BIRC6: variants seen among roughly 807,000 people sequenced by gnomAD.
BIRC6 encodes dual E2 ubiquitin-conjugating enzyme/E3 ubiquitin-protein ligase BIRC6.
In BIRC6, 98 loss-of-function variants were observed where a neutral mutation model predicts 503.3. The observed-to-expected ratio is 0.19, with a 90% CI of 0.17 to 0.23. The LOEUF (loss-of-function observed/expected upper bound fraction) is 0.23, where lower values mean the gene tolerates loss of function less well. Among genes scored for constraint, BIRC6 ranks in the 10% least tolerant of loss-of-function variants. BIRC6 has a pLI of 1.00. For synonymous variants in BIRC6, 2,240 were observed against 2,078.7 expected, an observed-to-expected ratio of 1.08 and a Z score of -2.11; for missense variants, 5,360 against 5,806.0, an observed-to-expected ratio of 0.92 and a Z score of 2.50.
At chr2:32,473,750 T>TGTGTGTG (rs1558829206) in intron 33 of BIRC6, among the ~76,000 whole-genome samples, 8 of 120,362 alleles carry the variant, frequency 6.6e-5, no homozygotes, top group South Asian at 2.6e-4. Flanking sequence ...TGTGTGTGTG[T>TGTGTGTG]ATTTTTTTTT....
Position 32,468,554 on chromosome 2 carries a change from A to G in BIRC6, c.5898A>G (p.Glu1966=), listed in dbSNP as rs2048799231. The G allele has an allele frequency of 1.2e-6, 2 of 1,613,902 alleles. No individual in the cohort carries two copies. Among genetic ancestry groups the G allele is most frequent in the African/African-American group, 2.7e-5 (2 of 74,930 alleles). ...FLRKPDKAVE[E]DSRVFSAYQD... ...GAAAACCAGATAAGGCAGTTGAGGA[A>G]GACAGTAGGGTTTTTTCTGCTTATC... is the stretch of plus-strand genomic sequence containing the variant. Residue 1966 remains glutamate (E), a synonymous_variant, in exon 29 of 74, where the codon GAA becomes GAG. Transcript: ENST00000421745.
chr2:32,568,022 G>A (rs1464249748), intron 65 of BIRC6, among the ~76,000 whole-genome samples: 1 of 152,182 alleles, frequency 6.6e-6, no homozygotes, highest in Admixed American at 6.5e-5. Context: ...TGAGGCAGGA[G>A]AATGGCATGA....
intron 59 of BIRC6, chr2:32,528,140 A>G (rs1371889544): frequency 6.6e-6 from 1 of 152,238 alleles, no homozygotes; most frequent in African/African-American, 2.4e-5. Context: ...TCTTAACTAA[A>G]AAACACAGTT....
chr2:32,482,765 T>C (rs1480803505), intron 39 of BIRC6, among the ~76,000 whole-genome samples, 183 bp downstream of exon 39: 1 of 152,182 alleles, frequency 6.6e-6, no homozygotes, highest in East Asian at 1.9e-4. Context: ...TTCTATCTTT[T>C]TGGTTCTCTG....
At chr2:32,592,047 A>G (rs1432498129) in intron 66 of BIRC6, among the ~76,000 whole-genome samples, 1 of 152,246 alleles carries the variant, frequency 6.6e-6, no homozygotes, top group South Asian at 2.1e-4. Context: ...TCATAGCTGT[A>G]AAAGACACAG....
intron 73 of BIRC6, among the ~76,000 whole-genome samples, chr2:32,614,022 CATAG>C (rs928709747): frequency 6.6e-6 from 1 of 152,188 alleles, no homozygotes; most frequent in African/African-American, 2.4e-5. Flanking sequence ...ACATTTTTTA[CATAG>C]ATACCCTGTC....
intron 72 of BIRC6, among the ~76,000 whole-genome samples, chr2:32,608,715 C>G (rs1458397804): frequency 6.6e-6 from 1 of 152,080 alleles, no homozygotes; most frequent in Non-Finnish European, 1.5e-5. Context: ...CCGCCCCGGC[C>G]TATTCTTTAT....
chr2:32,567,212 C>T (rs1410742392), intron 65 of BIRC6, among the ~76,000 whole-genome samples: 1 of 152,214 alleles, frequency 6.6e-6, no homozygotes, highest in Non-Finnish European at 1.5e-5. Context: ...TCAGGTGATC[C>T]ACCTGCCTCG....
At chr2:32,447,671 C>G (rs1485599109) in intron 21 of BIRC6, among the ~76,000 whole-genome samples, 14 of 120,804 alleles carry the variant, frequency 1.2e-4, no homozygotes, top group Admixed American at 9.8e-4. Flanking sequence ...CCCCTCCCCC[C>G]TCCCGGACTG....
At position 32,482,410 on chromosome 2, in the gene BIRC6, T is replaced by C. The variant is rs771966676; in HGVS notation, c.7543-19T>C. ...CAAGAGGCAAAAATAAACCACAGTT[T>C]TTTTTCCATTCTTTTAAGCCAATAA... On this transcript the variant is annotated intron_variant, in intron 38 of 73. Coordinates refer to ENST00000421745, the MANE Select transcript of BIRC6 (RefSeq NM_016252.4). 1 of 1,604,982 alleles carries C rather than the reference T, an allele frequency of 6.2e-7. No homozygotes were observed. Among genetic ancestry groups the C allele is most frequent in the Non-Finnish European group, 8.5e-7 (1 of 1,174,698 alleles).
At position 32,463,302 on chromosome 2, in the gene BIRC6, C is replaced by T; in HGVS notation, c.4862C>T (p.Ser1621Phe). 4 of 1,613,922 alleles carry T rather than the reference C, an allele frequency of 2.5e-6. No individual in the cohort carries two copies. The highest frequency in any genetic ancestry group is 3.4e-6 in the Non-Finnish European group (4 of 1,179,852). ...SAAQVALQSLSHAMASAEQQL... is the reference protein window; with the variant it reads ...SAAQVALQSLFHAMASAEQQL... Reference sequence around the variant, plus strand: ...GCCCAGGTAGCTTTGCAGTCTCTCTCTCATGCAATGGCTTCAGCCGAGCAA... The same window carrying T: ...GCCCAGGTAGCTTTGCAGTCTCTCTTTCATGCAATGGCTTCAGCCGAGCAA... The change falls in exon 24 of 74, where the codon TCT becomes TTT. Residue 1621 changes from serine to phenylalanine, a missense_variant. Around this residue, in one of 16 missense-constraint regions of BIRC6, gnomAD observed 2,299 missense variants for 2,267.2 expected, o/e 1.01. Transcript: ENST00000421745.
At chr2:32,362,385 G>A (rs957280534) in intron 1 of BIRC6, among the ~76,000 whole-genome samples, 4 of 146,684 alleles carry the variant, frequency 2.7e-5, no homozygotes, top group African/African-American at 1.0e-4. Flanking sequence ...GTGTGATCTC[G>A]GCTCACTGCA....
intron 1 of BIRC6, among the ~76,000 whole-genome samples, chr2:32,365,632 T>C (rs2034807801): frequency 6.6e-6 from 1 of 152,068 alleles, no homozygotes; most frequent in Non-Finnish European, 1.5e-5. Context: ...CTTTTTGTTT[T>C]GTTGTCTTAA....
At chr2:32,435,432 T>A (rs2044590556) in intron 13 of BIRC6, 64 bp from the exon 14 acceptor site, 1 of 1,435,254 alleles carries the variant, frequency 7.0e-7, no homozygotes, top group Non-Finnish European at 9.2e-7. Context: ...AAATTAAGTT[T>A]ACTAATATTT....
intron 10 of BIRC6, among the ~76,000 whole-genome samples, chr2:32,426,341 G>A (rs2043490250): frequency 6.6e-6 from 1 of 152,060 alleles, no homozygotes; most frequent in Non-Finnish European, 1.5e-5. Context: ...GGTGGCTTAC[G>A]CCTGTAATCC....
At chr2:32,466,859 C>T (rs1015038658) in intron 26 of BIRC6, among the ~76,000 whole-genome samples, 1 of 151,872 alleles carries the variant, frequency 6.6e-6, no homozygotes, top group Non-Finnish European at 1.5e-5. Flanking sequence ...GTGGCTCATG[C>T]CTGTAATCCC....
chr2:32,461,184 CT>C lies in BIRC6; in HGVS notation c.4754-2009del, dbSNP rs1275632473. Among the ~76,000 whole-genome samples, 2 of 50,422 alleles carry C rather than the reference CT, an allele frequency of 4.0e-5. 1 individual carries two copies. The highest frequency in any genetic ancestry group is 1.8e-4 in the African/African-American group (2 of 11,396). The allele number at this position is 50,422 out of a possible 152,430, so 33.1% of individuals were successfully genotyped here. A position where few individuals can be genotyped will look rare whatever the true frequency, so the allele number is the denominator to read the frequency against. On this transcript the variant is annotated intron_variant, in intron 23 of 73. Transcript: ENST00000421745. ...TCTCCCCTCCCCTCTCCCCTCCCCT[CT>C]CCCCTCCCCTTCCCTTTTTTCTAAC...
chr2:32,510,993 T>C (rs191363794), intron 53 of BIRC6, among the ~76,000 whole-genome samples: 1 of 152,296 alleles, frequency 6.6e-6, no homozygotes, highest in Admixed American at 6.5e-5. Context: ...TATGTGTATA[T>C]GAATGTAGGG....
rs768301736 is a variant in BIRC6, at chr2:32,377,658, T to C, written c.396T>C (p.Tyr132=). The change falls in exon 2 of 74, where the codon TAT becomes TAC. Residue 132 remains tyrosine, a synonymous_variant. Transcript: ENST00000421745. ...ATAAAGTTATATTTGTGGATGATTA[T>C]GCAGTAGGGTGTAGGAAGGACCTTA... is the stretch of plus-strand genomic sequence containing the variant. ...AVDKVIFVDD[Y]AVGCRKDLNG... 1.3e-5 allele frequency: 21 copies of C among 1,613,516 alleles called. No individual in the cohort carries two copies. The highest frequency in any genetic ancestry group is 1.7e-5 in the Admixed American group (1 of 59,988).
Sources: gnomAD v4.1 joint callset for allele counts (sites outside exome capture counted in the v4.1 genomes callset) on GRCh38, gnomAD v4.1.1 for gene constraint, gnomAD v4.1.1 regional missense constraint, MANE v1.5 for transcripts, NCBI Gene and HGNC (gene_info 2026-07-23, HGNC 2026-07-21) for gene names.